The following WWOX variants were observed in gnomAD, a reference collection of about 807,000 sequenced individuals.
WWOX encodes WW domain containing oxidoreductase.
A neutral mutation model predicts 46.2 loss-of-function variants in WWOX; 69 were observed. The observed-to-expected ratio is 1.49, with a 90% CI of 1.23 to 1.82. The LOEUF (loss-of-function observed/expected upper bound fraction) is 1.82. WWOX is among the 40% of genes most tolerant of loss of function. The pLI, the probability that WWOX is intolerant of heterozygous loss-of-function variation, is 0.00. For synonymous variants in WWOX, 359 were observed against 202.6 expected (o/e 1.77, Z -6.56); for missense variants, 919 against 542.6 (o/e 1.69, Z -6.89).
chr16:78,807,015 C>A (rs1257976511), intron 8 of WWOX, among the ~76,000 whole-genome samples: 1 of 152,226 alleles, frequency 6.6e-6, no homozygotes, highest in Admixed American at 6.5e-5. Context: ...GACACTAATG[C>A]TGACCCCACA....
At chr16:78,639,370 A>C (rs150865462) in intron 8 of WWOX, among the ~76,000 whole-genome samples, 219 of 152,296 alleles carry the variant, frequency 1.4e-3, no homozygotes, top group Admixed American at 3.1e-3. Context: ...TGGGAACCTC[A>C]TAACAGACCT....
intron 8 of WWOX, among the ~76,000 whole-genome samples, chr16:79,139,603 T>C (rs1196399457): frequency 6.6e-6 from 1 of 152,172 alleles, no homozygotes; most frequent in Non-Finnish European, 1.5e-5. Context: ...TTTTTCTTTC[T>C]TTCTTTCTTT....
At chr16:78,841,744 A>G (rs1309832149) in intron 8 of WWOX, among the ~76,000 whole-genome samples, 2 of 152,180 alleles carry the variant, frequency 1.3e-5, no homozygotes, top group Admixed American at 6.5e-5. Context: ...ACCTTTGAAA[A>G]TGTGTACTAT....
intron 8 of WWOX, among the ~76,000 whole-genome samples, chr16:78,975,587 T>A (rs2046555708): frequency 6.6e-6 from 1 of 152,018 alleles, no homozygotes; most frequent in African/African-American, 2.4e-5. Flanking sequence ...CATATACACA[T>A]GGTATATGCC....
At chr16:78,796,310 C>G (rs1377386973) in intron 8 of WWOX, among the ~76,000 whole-genome samples, 2 of 152,208 alleles carry the variant, frequency 1.3e-5, no homozygotes, top group East Asian at 3.9e-4. Flanking sequence ...CTGGAGCCTC[C>G]AAATCCTCTG....
At position 78,115,019 on chromosome 16, in the gene WWOX, T is replaced by C; in HGVS notation, c.274T>C (p.Phe92Leu). The change falls in exon 4 of 9, where the codon TTT (phenylalanine) becomes CTT (leucine). Residue 92 changes from phenylalanine (F) to leucine (L), a missense_variant. Transcript: ENST00000566780. ...RTTYLDPRLA[F>L]TVDDNPTKPT... ...CACCTACTTGGACCCAAGACTGGCG[T>C]TTACTGTGGATGATAATCCGACCAA... is the stretch of plus-strand genomic sequence containing the variant. 1 of 1,614,160 alleles carries C rather than the reference T, an allele frequency of 6.2e-7. No individual in the cohort carries two copies. The highest frequency in any genetic ancestry group is 8.5e-7 in the Non-Finnish European group (1 of 1,180,030).
intron 8 of WWOX, among the ~76,000 whole-genome samples, chr16:78,640,242 T>TG (rs2046673001): frequency 2.8e-5 from 4 of 144,752 alleles, no homozygotes; most frequent in African/African-American, 1.0e-4. Context: ...TTTTTTTTTT[T>TG]TTTTTTTTTT....
rs7203310 is a variant in WWOX at position 78,564,770 on chromosome 16, T to C, written c.1056+132018T>C. Among the ~76,000 whole-genome samples the C allele has an allele frequency of 4.6e-3, 696 of 152,348 alleles. 6 individuals carry two copies. The highest frequency in any genetic ancestry group is 0.016 in the African/African-American group (671 of 41,580). ...GCAACTAATTTCACCTATTTCCTTA[T>C]TTGTTTAAAAATTTTAACTTAAATT... On this transcript the variant is annotated intron_variant, in intron 8 of 8. Transcript: ENST00000566780.
chr16:78,906,159 C>G (rs748440545), intron 8 of WWOX, among the ~76,000 whole-genome samples: 1 of 152,114 alleles, frequency 6.6e-6, no homozygotes, highest in Non-Finnish European at 1.5e-5. Flanking sequence ...TCAGCGAAAC[C>G]TCAGCCATCT....
chr16:78,418,730 A>C (rs1311069661), intron 6 of WWOX, among the ~76,000 whole-genome samples: 1 of 152,200 alleles, frequency 6.6e-6, no homozygotes, highest in Non-Finnish European at 1.5e-5. Context: ...ACATGTTTTA[A>C]AAAGGTCCAG....
chr16:78,987,906 T>C (rs1338033042), intron 8 of WWOX, among the ~76,000 whole-genome samples: 1 of 152,094 alleles, frequency 6.6e-6, no homozygotes, highest in East Asian at 1.9e-4. Flanking sequence ...AAACCACAGG[T>C]CTCGTCATGT....
chr16:78,799,362 G>C (rs887186512), intron 8 of WWOX, among the ~76,000 whole-genome samples: 4 of 152,090 alleles, frequency 2.6e-5, no homozygotes, highest in Admixed American at 2.6e-4. Flanking sequence ...TGTCCATCTG[G>C]GTTAGCAAAC....
At chr16:78,838,311 G>A (rs910262602) in intron 8 of WWOX, among the ~76,000 whole-genome samples, 1 of 152,152 alleles carries the variant, frequency 6.6e-6, no homozygotes, top group Non-Finnish European at 1.5e-5. Context: ...GAGTGACAGT[G>A]AACCAGGAAC....
intron 8 of WWOX, among the ~76,000 whole-genome samples, chr16:78,992,796 C>T (rs1367078795): frequency 6.6e-6 from 1 of 152,106 alleles, no homozygotes; most frequent in Non-Finnish European, 1.5e-5. Flanking sequence ...CCTTGAGGGA[C>T]ATAAATAGCC....
rs2045531139 is a variant in WWOX, at chr16:78,597,989, T to A, written c.1056+165237T>A. Among the ~76,000 whole-genome samples, 4 of 152,290 alleles carry A rather than the reference T, an allele frequency of 2.6e-5. No homozygotes were observed. In the South Asian group the frequency reaches 8.3e-4, roughly 32 times the overall value. On this transcript the variant is annotated intron_variant, in intron 8 of 8. Coordinates refer to ENST00000566780, the MANE Select transcript of WWOX (RefSeq NM_016373.4). ...TAGTGTAGCTTTAGAAATGCAATTT[T>A]CAGCCTCTGCTTATTAGAATATGAT...
At chr16:79,022,761 A>AG (rs2047560075) in intron 8 of WWOX, among the ~76,000 whole-genome samples, 1 of 152,192 alleles carries the variant, frequency 6.6e-6, no homozygotes, top group East Asian at 1.9e-4. Context: ...CCCGGAACTG[A>AG]GGTGGCACAT....
intron 8 of WWOX, among the ~76,000 whole-genome samples, chr16:79,140,300 G>A (rs1226377769): frequency 6.6e-6 from 1 of 152,184 alleles, no homozygotes; most frequent in East Asian, 1.9e-4. Context: ...CGATTTCTTG[G>A]ACTTGCTACA....
At chr16:78,525,385 C>G (rs1217627927) in intron 8 of WWOX, 1 of 151,732 alleles carries the variant, frequency 6.6e-6, no homozygotes, top group Non-Finnish European at 1.5e-5. Flanking sequence ...CGGGGTTTCA[C>G]CATGCTAACC....
intron 8 of WWOX, among the ~76,000 whole-genome samples, chr16:78,693,449 T>A (rs1200077408): frequency 6.6e-6 from 1 of 152,164 alleles, no homozygotes; most frequent in Admixed American, 6.6e-5. Flanking sequence ...TTAGTCCCAG[T>A]TTTCCAGCTT....
Sources: gnomAD v4.1 joint callset for allele counts (sites outside exome capture counted in the v4.1 genomes callset) on GRCh38, gnomAD v4.1.1 for gene constraint, MANE v1.5 for transcripts, NCBI Gene and HGNC (gene_info 2026-07-23, HGNC 2026-07-21) for gene names.